Variants in UGT2B10 observed in about 807,000 individuals in gnomAD.
UGT2B10 encodes the protein UDP-glucuronosyltransferase 2B10.
Under a neutral mutation model 43.7 loss-of-function variants are expected in UGT2B10, and 51 were observed. The observed-to-expected ratio is 1.17, with a 90% CI of 0.93 to 1.47. The LOEUF (loss-of-function observed/expected upper bound fraction) is 1.47, where lower values mean the gene tolerates loss of function less well. Among genes scored for constraint, UGT2B10 ranks in the 40% most tolerant of loss-of-function variants. The pLI, the probability that UGT2B10 is intolerant of heterozygous loss-of-function variation, is 0.00. For synonymous variants in UGT2B10, 225 were observed against 209.0 expected (o/e 1.08, Z -0.66); for missense variants, 696 against 617.7 (o/e 1.13, Z -1.34).
In UGT2B10 at chr4:68,831,373, A is replaced by G. The variant is rs1560423299; in HGVS notation, c.*494A>G. Among the ~76,000 whole-genome samples the G allele has an allele frequency of 6.6e-6, 1 of 152,098 alleles. No homozygotes were observed. The highest frequency in any genetic ancestry group is 2.4e-5 in the African/African-American group (1 of 41,444). On this transcript the variant is annotated 3_prime_UTR_variant, in exon 6 of 6. Transcript: ENST00000265403. ...ATCCCAAAGGGATGAGATTACAGGT[A>G]TGTACCACCATAACTTTACAAAATG...
chr4:68,826,992 C>T (rs1435106680), intron 4 of UGT2B10, among the ~76,000 whole-genome samples: 5 of 152,068 alleles, frequency 3.3e-5, no homozygotes, highest in Non-Finnish European at 7.4e-5. Context: ...CTTGCACACC[C>T]CACATATCAC....
chr4:68,824,022 A>T (rs971309459), intron 3 of UGT2B10, among the ~76,000 whole-genome samples: 1 of 152,190 alleles, frequency 6.6e-6, no homozygotes, highest in African/African-American at 2.4e-5. Context: ...AGAAAAAGTT[A>T]CGTTTTAATG....
intron 3 of UGT2B10, among the ~76,000 whole-genome samples, chr4:68,824,518 A>G (rs1446629795): frequency 6.6e-6 from 1 of 152,064 alleles, no homozygotes; most frequent in Admixed American, 6.6e-5. Flanking sequence ...GTAGGAATAT[A>G]TTTTCTTCTA....
intron 1 of UGT2B10, among the ~76,000 whole-genome samples, chr4:68,817,807 C>G (rs1737288944): frequency 6.6e-6 from 1 of 151,546 alleles, no homozygotes; most frequent in African/African-American, 2.4e-5. Flanking sequence ...GTAGCTTAAC[C>G]TCATAATTCT....
chr4:68,825,082 A>G (rs1465692652), intron 3 of UGT2B10, among the ~76,000 whole-genome samples: 8 of 152,060 alleles, frequency 5.3e-5, no homozygotes, highest in Admixed American at 4.6e-4. Context: ...TATTTTGTCA[A>G]TCAAAGGACA....
rs1738077352 is a variant in UGT2B10 at position 68,831,070 on chromosome 4, G to A, written c.*191G>A. On this transcript the variant is annotated 3_prime_UTR_variant, in exon 6 of 6. Transcript: ENST00000265403. The stretch of plus-strand genomic sequence containing the variant: ...AGTTAATGGTTAGAAATATTCTGTG[G>A]CAATGAAGAAAACACTAGGGGAAAT... 1 of 717,746 alleles carries A rather than the reference G, an allele frequency of 1.4e-6. No individual in the cohort carries two copies. Among genetic ancestry groups the A allele is most frequent in the Non-Finnish European group, 2.2e-6 (1 of 450,498 alleles). The allele number at this position is 717,746 out of a possible 1,614,324, so 44.5% of individuals were successfully genotyped here. A position where few individuals can be genotyped will look rare whatever the true frequency, so the allele number is the denominator to read the frequency against.
intron 3 of UGT2B10, among the ~76,000 whole-genome samples, chr4:68,824,156 C>T (rs1737651628): frequency 6.6e-6 from 1 of 152,226 alleles, no homozygotes; most frequent in Admixed American, 6.5e-5. Flanking sequence ...ATAGGCCTAT[C>T]TGAATGATGT....
At position 68,830,949 on chromosome 4, in the gene UGT2B10, T is replaced by C. The variant is rs1238797317; in HGVS notation, c.*70T>C. The C allele has an allele frequency of 2.0e-6, 3 of 1,519,700 alleles. No homozygotes were observed. The highest frequency in any genetic ancestry group is 1.8e-6 in the Non-Finnish European group (2 of 1,130,896). The allele number at this position is 1,519,700 out of a possible 1,614,324, so 94.1% of individuals were successfully genotyped here. ...CTTCAGTTGATTCCAGCAATAAATA[T>C]TGTGATGCAAGATTTCTTTCTTCCT... On this transcript the variant is annotated 3_prime_UTR_variant, in exon 6 of 6. Coordinates refer to ENST00000265403, the MANE Select transcript of UGT2B10 (RefSeq NM_001075.6).
intron 1 of UGT2B10, among the ~76,000 whole-genome samples, chr4:68,817,077 G>A (rs7657958): frequency 0.068 from 10,364 of 151,690 alleles, 386 homozygotes; most frequent in Non-Finnish European, 0.093. Context: ...CTAACCGAAT[G>A]CATAGATTTA....
intron 2 of UGT2B10, among the ~76,000 whole-genome samples, chr4:68,818,497 G>A (rs1737333863): frequency 6.6e-6 from 1 of 151,566 alleles, no homozygotes; most frequent in Non-Finnish European, 1.5e-5. Flanking sequence ...CAAAACACAG[G>A]TAAGTGCACA....
In UGT2B10 at chr4:68,823,100, T is replaced by C. The variant is rs369794203; in HGVS notation, c.999+698T>C. 7.9e-5 allele frequency among the ~76,000 whole-genome samples: 12 copies of C among 152,202 alleles called. No individual in the cohort carries two copies. The East Asian group carries it at 2.3e-3, about 29-fold the overall frequency. ...TGGTCATTATGCAGTATATACTCTA[T>C]TTAAGGATCAGTGGTAGTATAGCAT... On this transcript the variant is annotated intron_variant, in intron 3 of 5. Transcript: ENST00000265403.
intron 2 of UGT2B10, among the ~76,000 whole-genome samples, chr4:68,820,115 G>A (rs986089693): frequency 1.3e-5 from 2 of 151,984 alleles, no homozygotes; most frequent in African/African-American, 4.8e-5. Context: ...GACAGTGCCA[G>A]TAGAAGGAGG....
At chr4:68,822,034 A>G (rs1968764) in intron 2 of UGT2B10, among the ~76,000 whole-genome samples, 20,368 of 152,080 alleles carry the variant, frequency 0.13, 1,855 homozygotes, top group Admixed American at 0.28. Context: ...TTACACACAT[A>G]CAGACACATA....
rs188836570 is a variant in UGT2B10 at position 68,816,657 on chromosome 4, T to C, written c.638T>C (p.Met213Thr). 5.7e-5 allele frequency: 92 copies of C among 1,612,548 alleles called. No homozygotes were observed. The African/African-American group carries it at 9.3e-4, about 16-fold the overall frequency. ...QMTFMERVKN[M>T]LYVLYFDFWF... is the part of the protein sequence containing the mutation. ...ACTTTCATGGAGAGGGTAAAAAATA[T>C]GCTCTATGTGCTTTATTTTGACTTT... Residue 213 changes from methionine (M) to threonine (T), a missense_variant, in exon 1 of 6, where the codon ATG becomes ACG. Transcript: ENST00000265403.
chr4:68,823,436 G>A lies in UGT2B10; in HGVS notation c.999+1034G>A, dbSNP rs181483573. 6.8e-4 allele frequency among the ~76,000 whole-genome samples: 104 copies of A among 152,240 alleles called. 1 individual carries two copies. In the East Asian group the frequency reaches 0.018, roughly 27 times the overall value. On this transcript the variant is annotated intron_variant, in intron 3 of 5. Coordinates refer to ENST00000265403, the MANE Select transcript of UGT2B10 (RefSeq NM_001075.6). ...GCAGGAGAATCCCTTGAACCAAGGA[G>A]GCGGAGGTTGCAATGAGGCAAGATC...
At position 68,827,321 on chromosome 4, in the gene UGT2B10, A is replaced by T; in HGVS notation, c.1088-8A>T. 1 of 1,612,686 alleles carries T rather than the reference A, an allele frequency of 6.2e-7. No homozygotes were observed. The highest frequency in any genetic ancestry group is 8.5e-7 in the Non-Finnish European group (1 of 1,179,290). ...TGAATAATTTTGCTAAAATTCATCC[A>T]ATCCTAGGTCATCCAAAAACCAGAG... On this transcript the variant is annotated splice_polypyrimidine_tract_variant and splice_region_variant and intron_variant, in intron 4 of 5. Transcript: ENST00000265403.
In UGT2B10 at chr4:68,830,613, A is replaced by G. The variant is rs762370474; in HGVS notation, c.1321A>G (p.Ile441Val). ...VINDPSYKEN[I>V]MKLSRIQHDQ... ...TTTATCCTTCAGATATAAAGAGAATATTATGAAATTATCAAGAATTCAACA... is the reference window on the plus strand; with the variant it reads ...TTTATCCTTCAGATATAAAGAGAATGTTATGAAATTATCAAGAATTCAACA... Residue 441 changes from isoleucine (I) to valine (V), a missense_variant, in exon 6 of 6, where the codon ATT becomes GTT. Ile to Val is a conservative substitution (Grantham distance 29). Transcript: ENST00000265403. The G allele has an allele frequency of 7.4e-6, 12 of 1,612,222 alleles. No homozygotes were observed. The East Asian group carries it at 1.6e-4, about 21-fold the overall frequency.
intron 4 of UGT2B10, 47 bp downstream of exon 4, chr4:68,826,544 A>G (rs1560419545): frequency 1.9e-6 from 3 of 1,571,078 alleles, no homozygotes; most frequent in East Asian, 2.3e-5. Context: ...ACTGCACATT[A>G]GAGTGTTAAT....
At position 68,816,325 on chromosome 4, in the gene UGT2B10, T is replaced by C. The variant is rs367614142; in HGVS notation, c.306T>C (p.Asp102=). Residue 102 remains aspartate, a synonymous_variant, in exon 1 of 6, where the codon GAT becomes GAC. Transcript: ENST00000265403. Reference sequence around the variant, plus strand: ...AGAGATTGTCAGAAATTCAAAAAGATACATTTTGGTTACCTTTTTCACAAG... The same window carrying C: ...AGAGATTGTCAGAAATTCAAAAAGACACATTTTGGTTACCTTTTTCACAAG... ...LVKRLSEIQK[D]TFWLPFSQEQ... is the part of the protein sequence containing the mutation. 4.3e-5 allele frequency: 69 copies of C among 1,612,996 alleles called. No individual in the cohort carries two copies. Among genetic ancestry groups the C allele is most frequent in the Non-Finnish European group, 5.7e-5 (67 of 1,179,396 alleles).
Sources: allele counts gnomAD v4.1 joint callset (sites outside exome capture counted in the v4.1 genomes callset), GRCh38; gene constraint gnomAD v4.1.1; transcripts MANE v1.5; gene names NCBI Gene and HGNC (gene_info 2026-07-23, HGNC 2026-07-21).